PDK4: variants seen among roughly 807,000 people sequenced by gnomAD.
PDK4 encodes pyruvate dehydrogenase kinase, isozyme 4.
Under a neutral mutation model 51.7 loss-of-function variants are expected in PDK4, and 43 were observed. The observed-to-expected ratio is 0.83, with a 90% CI of 0.65 to 1.07. The LOEUF is 1.07. Among genes scored for constraint, PDK4 ranks in the 50% least tolerant of loss-of-function variants. PDK4 has a pLI of 0.00. For synonymous variants in PDK4, 170 were observed against 176.6 expected, an observed-to-expected ratio of 0.96 and a Z score of 0.30; for missense variants, 498 against 503.5, an observed-to-expected ratio of 0.99 and a Z score of 0.10.
At chr7:95,593,606 C>A in intron 3 of PDK4, 93 bp downstream of exon 3, 2 of 652,478 alleles carry the variant, frequency 3.1e-6, no homozygotes, top group Non-Finnish European at 5.5e-6. Context: ...TTATTCAGAG[C>A]TGAATTCCTT....
intron 6 of PDK4, among the ~76,000 whole-genome samples, chr7:95,590,721 A>G (rs1234338862): frequency 9.2e-5 from 14 of 152,242 alleles, no homozygotes; most frequent in African/African-American, 3.4e-4. Context: ...GTCACCATAA[A>G]CAAAAACTGT....
At chr7:95,593,894 T>C (rs1232917334) in intron 2 of PDK4, 124 bp from the exon 3 acceptor site, 2 of 443,710 alleles carry the variant, frequency 4.5e-6, no homozygotes, top group East Asian at 6.8e-5. Context: ...AACTTAAAAC[T>C]TTCCTCCAGA....
chr7:95,593,882 C>T (rs987956583), intron 2 of PDK4, 112 bp from the exon 3 acceptor site: 1 of 470,648 alleles, frequency 2.1e-6, no homozygotes. Context: ...GCATTATGTT[C>T]AAACTTAAAA....
chr7:95,590,785 G>T (rs954716385), intron 6 of PDK4, among the ~76,000 whole-genome samples: 2 of 152,180 alleles, frequency 1.3e-5, no homozygotes, highest in African/African-American at 4.8e-5. Context: ...AAAAGAGAAG[G>T]TAATTCCAAT....
At chr7:95,589,533 G>A (rs1791526421) in intron 7 of PDK4, 107 bp downstream of exon 7, 1 of 617,744 alleles carries the variant, frequency 1.6e-6, no homozygotes, top group Non-Finnish European at 2.9e-6. Flanking sequence ...GCATTCTTGG[G>A]AAAAGATATT....
At chr7:95,587,882 G>GTTTT in intron 7 of PDK4, 57 bp from the exon 8 acceptor site, 2 of 853,630 alleles carry the variant, frequency 2.3e-6, no homozygotes, top group South Asian at 1.7e-5. Context: ...GACAATAAAT[G>GTTTT]TTTTTTTTTT....
At position 95,587,724 on chromosome 7, in the gene PDK4, T is replaced by G; in HGVS notation, c.870+3A>C. On this transcript the variant is annotated splice_donor_region_variant and intron_variant, in intron 8 of 10. Transcript: ENST00000005178. ...ACCCAAAAGGAAAACAGAGAATGGT[T>G]ACCTTAATGGTAAGGTCTTCTTTTC... is the stretch of plus-strand genomic sequence containing the variant. 1 of 1,574,704 alleles carries G rather than the reference T, an allele frequency of 6.4e-7. No homozygotes were observed. Among genetic ancestry groups the G allele is most frequent in the Non-Finnish European group, 8.7e-7 (1 of 1,143,986 alleles).
At position 95,592,837 on chromosome 7, in the gene PDK4, G is replaced by GT. The variant is rs1292751127; in HGVS notation, c.451dup (p.Thr151AsnfsTer31). On this transcript the variant is annotated frameshift_variant, in exon 4 of 11. Transcript: ENST00000005178. LOFTEE classifies it high-confidence loss of function. ...CAAGAAATATTGAAGATTTTGATTG[G>GT]TGACTGGGTCAACTGTACAGGCATC... 4 of 1,612,638 alleles carry GT rather than the reference G, an allele frequency of 2.5e-6. No individual in the cohort carries two copies. The African/African-American group carries it at 5.3e-5, about 22-fold the overall frequency.
intron 6 of PDK4, among the ~76,000 whole-genome samples, chr7:95,590,830 T>C (rs776441476): frequency 6.6e-6 from 1 of 152,236 alleles, no homozygotes; most frequent in Non-Finnish European, 1.5e-5. Flanking sequence ...ATGCAACTAT[T>C]TACCAGAACA....
intron 1 of PDK4, among the ~76,000 whole-genome samples, chr7:95,595,901 G>A (rs957707654): frequency 6.6e-6 from 1 of 152,134 alleles, no homozygotes; most frequent in African/African-American, 2.4e-5. Context: ...CTGGAAGAGC[G>A]GGTCAGAAAG....
At chr7:95,590,022 C>T (rs75046794) in intron 6 of PDK4, among the ~76,000 whole-genome samples, 3,301 of 152,218 alleles carry the variant, frequency 0.022, 119 homozygotes, top group African/African-American at 0.076. Flanking sequence ...CCAGCCTTAG[C>T]CTCCCAAACT....
chr7:95,589,845 C>T, intron 6 of PDK4, 129 bp from the exon 7 acceptor site: 1 of 617,118 alleles, frequency 1.6e-6, no homozygotes, highest in South Asian at 2.1e-5. Context: ...ATCCCCAAAT[C>T]CTGCCCTAGA....
intron 6 of PDK4, among the ~76,000 whole-genome samples, chr7:95,591,318 G>A (rs1435032159): frequency 6.7e-6 from 1 of 149,628 alleles, no homozygotes; most frequent in African/African-American, 2.5e-5. Context: ...TTGGGGTGGA[G>A]ACATTTAACA....
At chr7:95,592,726 G>C (rs371173030) in intron 4 of PDK4, 34 bp downstream of exon 4, 1 of 1,546,574 alleles carries the variant, frequency 6.5e-7, no homozygotes, top group East Asian at 2.2e-5. Flanking sequence ...CTACACCCAT[G>C]TCTATATACC....
intron 7 of PDK4, among the ~76,000 whole-genome samples, chr7:95,588,976 T>C (rs1375327917): frequency 6.6e-6 from 1 of 152,234 alleles, no homozygotes; most frequent in East Asian, 1.9e-4. Flanking sequence ...CAGGCGATTC[T>C]AATGCATATT....
At chr7:95,592,980 A>G in intron 3 of PDK4, 36 bp from the exon 4 acceptor site, 1 of 1,428,870 alleles carries the variant, frequency 7.0e-7, no homozygotes, top group South Asian at 1.3e-5. Context: ...AAAAGTTCAA[A>G]TACGTTTCAT....
At chr7:95,595,870 C>T (rs1299273229) in intron 1 of PDK4, among the ~76,000 whole-genome samples, 1 of 151,980 alleles carries the variant, frequency 6.6e-6, no homozygotes, top group East Asian at 1.9e-4. Context: ...AAACGGTGAC[C>T]GAAAGCAAAA....
chr7:95,589,718 T>G lies in PDK4; in HGVS notation c.695-2A>C, dbSNP rs1248012035. 6.6e-7 allele frequency: 1 copy of G among 1,509,408 alleles called. No homozygotes were observed. The highest frequency in any genetic ancestry group is 9.2e-7 in the Non-Finnish European group (1 of 1,086,538). The allele number at this position is 1,509,408 out of a possible 1,614,324, so 93.5% of individuals were successfully genotyped here. A position where few individuals can be genotyped will look rare whatever the true frequency, so the allele number is the denominator to read the frequency against. On this transcript the variant is annotated splice_acceptor_variant, in intron 6 of 10. Transcript: ENST00000005178. LOFTEE classifies it high-confidence loss of function. ...GAATTGGTTGGTCTGGAAATTTTCC[T>G]AGAAAAATAAAATTCATTAAGAATT...
chr7:95,585,010 C>T lies in PDK4; in HGVS notation c.*631G>A, dbSNP rs1023865202. The T allele has an allele frequency of 1.3e-5, 2 of 152,356 alleles. No individual in the cohort carries two copies. The highest frequency in any genetic ancestry group is 2.9e-5 in the Non-Finnish European group (2 of 68,020). The allele number at this position is 152,356 out of a possible 1,614,324, so 9.4% of individuals were successfully genotyped here. A position where few individuals can be genotyped will look rare whatever the true frequency, so the allele number is the denominator to read the frequency against. The stretch of plus-strand genomic sequence containing the variant: ...GAGGAGCCTTCCTTCTGAGTTTTTA[C>T]ATAAGTTGATGCCTTCACTGCAACT... On this transcript the variant is annotated 3_prime_UTR_variant, in exon 11 of 11. Transcript: ENST00000005178.
Sources: gnomAD v4.1 joint callset for allele counts (sites outside exome capture counted in the v4.1 genomes callset) on GRCh38, gnomAD v4.1.1 for gene constraint, MANE v1.5 for transcripts, NCBI Gene and HGNC (gene_info 2026-07-23, HGNC 2026-07-21) for gene names.